Variants in KCNIP1 observed in about 807,000 individuals in gnomAD.
KCNIP1 encodes the protein potassium voltage-gated channel interacting protein 1.
KCNIP1 carries 18 observed loss-of-function variants against 33.0 expected under a neutral mutation model. The observed-to-expected ratio is 0.55, with a 90% CI of 0.38 to 0.81. KCNIP1 has a LOEUF of 0.81. KCNIP1 is among the 30% of genes least tolerant of loss of function. The pLI, the probability that KCNIP1 is intolerant of heterozygous loss-of-function variation, is 0.00. For missense variants in KCNIP1, 238 were observed against 271.6 expected (o/e 0.88, Z 0.87); for synonymous variants, 93 against 98.3 (o/e 0.95, Z 0.32).
At chr5:170,473,831 G>T (rs1756790044) in intron 1 of KCNIP1, among the ~76,000 whole-genome samples, 1 of 152,108 alleles carries the variant, frequency 6.6e-6, no homozygotes. Flanking sequence ...ATGCCAACAG[G>T]GTCCCAGTAT....
intron 1 of KCNIP1, among the ~76,000 whole-genome samples, chr5:170,626,367 G>C (rs1759822624): frequency 6.6e-6 from 1 of 152,156 alleles, no homozygotes; most frequent in South Asian, 2.1e-4. Context: ...CCAGTATCTT[G>C]GCTTTTCTAA....
intron 1 of KCNIP1, among the ~76,000 whole-genome samples, chr5:170,699,410 T>C (rs569090792): frequency 2.1e-4 from 32 of 152,238 alleles, no homozygotes; most frequent in African/African-American, 7.7e-4. Flanking sequence ...CCTCATCCCA[T>C]TGCCTCCCAC....
At chr5:170,720,439 C>A in intron 3 of KCNIP1, 49 bp downstream of exon 3, 1 of 1,416,898 alleles carries the variant, frequency 7.1e-7, no homozygotes, top group Non-Finnish European at 1.0e-6. Context: ...CTCTGGTAAG[C>A]AGCCTTCCCT....
intron 1 of KCNIP1, among the ~76,000 whole-genome samples, chr5:170,682,271 T>G (rs1762377510): frequency 6.6e-6 from 1 of 152,172 alleles, no homozygotes; most frequent in African/African-American, 2.4e-5. Flanking sequence ...TAGGTCTTGG[T>G]TTCCTTATGA....
chr5:170,403,686 G>A (rs1754964479), intron 1 of KCNIP1, among the ~76,000 whole-genome samples: 1 of 152,212 alleles, frequency 6.6e-6, no homozygotes, highest in African/African-American at 2.4e-5. Context: ...GCTTATCTCT[G>A]AATGTTCAGG....
At chr5:170,702,233 G>A (rs967279169) in intron 1 of KCNIP1, among the ~76,000 whole-genome samples, 1 of 152,060 alleles carries the variant, frequency 6.6e-6, no homozygotes, top group Admixed American at 6.5e-5. Flanking sequence ...AGTATTTGTC[G>A]AATGAGTTAA....
intron 1 of KCNIP1, among the ~76,000 whole-genome samples, chr5:170,560,145 C>A (rs137947541): frequency 1.3e-5 from 2 of 152,292 alleles, no homozygotes; most frequent in Non-Finnish European, 2.9e-5. Flanking sequence ...GTTTTCTGGG[C>A]AGTGTGGGGC....
At chr5:170,672,327 C>A (rs1414418717) in intron 1 of KCNIP1, among the ~76,000 whole-genome samples, 1 of 152,176 alleles carries the variant, frequency 6.6e-6, no homozygotes, top group East Asian at 1.9e-4. Context: ...CATGGTGAGA[C>A]CTGTGATATG....
rs1377000177 is a variant in KCNIP1 at position 170,637,331 on chromosome 5, G to A, written c.62-81427G>A. Among the ~76,000 whole-genome samples the A allele has an allele frequency of 2.6e-5, 4 of 151,856 alleles. No individual in the cohort carries two copies. In the East Asian group the frequency reaches 5.8e-4, roughly 22 times the overall value. On this transcript the variant is annotated intron_variant, in intron 1 of 7. Transcript: ENST00000328939. ...TGGCCACTCCATCCAAATGACCACC[G>A]CACCCCTCCTCACCAGCTTCCCTGC...
chr5:170,732,037 C>T (rs1764223813), intron 5 of KCNIP1, among the ~76,000 whole-genome samples: 1 of 152,060 alleles, frequency 6.6e-6, no homozygotes, highest in Non-Finnish European at 1.5e-5. Flanking sequence ...GAAAGGTATG[C>T]ATGAACTCTC....
At chr5:170,598,882 A>C (rs1758562977) in intron 1 of KCNIP1, among the ~76,000 whole-genome samples, 1 of 146,218 alleles carries the variant, frequency 6.8e-6, no homozygotes, top group African/African-American at 2.6e-5. Context: ...TCGTTCCCAT[A>C]GCCCCGCTGT....
At chr5:170,494,701 G>A (rs1402144528) in intron 1 of KCNIP1, among the ~76,000 whole-genome samples, 1 of 152,138 alleles carries the variant, frequency 6.6e-6, no homozygotes, top group Admixed American at 6.5e-5. Flanking sequence ...CTCCATCCTG[G>A]GAGGGAGGAT....
intron 1 of KCNIP1, among the ~76,000 whole-genome samples, chr5:170,685,102 G>A (rs1166049780): frequency 2.0e-5 from 3 of 152,046 alleles, no homozygotes; most frequent in Non-Finnish European, 4.4e-5. Flanking sequence ...TTGCCCATAA[G>A]GACAACCCAG....
intron 1 of KCNIP1, among the ~76,000 whole-genome samples, chr5:170,420,769 C>G (rs754808290): frequency 4.6e-5 from 7 of 152,124 alleles, no homozygotes; most frequent in Non-Finnish European, 8.8e-5. Flanking sequence ...AAAATGTAAT[C>G]AATAGGAAAT....
chr5:170,405,395 G>A (rs894501250), intron 1 of KCNIP1, among the ~76,000 whole-genome samples: 8 of 152,094 alleles, frequency 5.3e-5, no homozygotes. Context: ...GTAGAGACAG[G>A]GTTTCGCCAG....
At position 170,554,083 on chromosome 5, in the gene KCNIP1, C is replaced by T. The variant is rs1756755315; in HGVS notation, c.61+49450C>T. The stretch of plus-strand genomic sequence containing the variant: ...CCTGTGGAAATGTGGCCCTGTATGG[C>T]CAGCTCTTCTGATTTTTCATAAGAA... On this transcript the variant is annotated intron_variant, in intron 1 of 7. Coordinates refer to ENST00000328939, the MANE Select transcript of KCNIP1 (RefSeq NM_014592.4). 2.0e-5 allele frequency among the ~76,000 whole-genome samples: 3 copies of T among 152,150 alleles called. No individual in the cohort carries two copies. In the South Asian group the frequency reaches 6.2e-4, roughly 32 times the overall value.
intron 1 of KCNIP1, among the ~76,000 whole-genome samples, chr5:170,404,591 G>A (rs989345084): frequency 1.1e-4 from 17 of 152,244 alleles, no homozygotes; most frequent in Admixed American, 3.3e-4. Flanking sequence ...TTCTCAGCAG[G>A]CTAGACGAGC....
chr5:170,636,533 T>G (rs1213348118), intron 1 of KCNIP1, among the ~76,000 whole-genome samples: 1 of 152,176 alleles, frequency 6.6e-6, no homozygotes, highest in Middle Eastern at 3.2e-3. Flanking sequence ...ACCTACTGCA[T>G]GCAGAGACCT....
chr5:170,584,962 C>T (rs1458153630), intron 1 of KCNIP1, among the ~76,000 whole-genome samples: 1 of 152,074 alleles, frequency 6.6e-6, no homozygotes, highest in East Asian at 1.9e-4. Flanking sequence ...CTCTCCAAGT[C>T]CAGCAATGTG....
Sources: allele counts gnomAD v4.1 joint callset (sites outside exome capture counted in the v4.1 genomes callset), GRCh38; gene constraint gnomAD v4.1.1; transcripts MANE v1.5; gene names NCBI Gene and HGNC (gene_info 2026-07-23, HGNC 2026-07-21).